FER: variants seen among roughly 807,000 people sequenced by gnomAD.
FER encodes the protein FER tyrosine kinase.
In FER, 63 loss-of-function variants were observed where a neutral mutation model predicts 111.0. That is an observed-to-expected ratio of 0.57 (90% confidence interval 0.46 to 0.70). The LOEUF is 0.70. Ranked by LOEUF, FER falls within the 30% of genes least tolerant of loss-of-function variation. FER has a pLI of 0.00. For synonymous variants in FER, 327 were observed against 313.9 expected (o/e 1.04, Z -0.44); for missense variants, 914 against 954.0 (o/e 0.96, Z 0.55).
At chr5:108,773,382 T>A (rs1753136232) in intron 2 of FER, among the ~76,000 whole-genome samples, 1 of 152,098 alleles carries the variant, frequency 6.6e-6, no homozygotes, top group South Asian at 2.1e-4. Context: ...GTGGGTATTG[T>A]TCCCCTCCCT....
chr5:108,931,895 C>T (rs1409456747), intron 10 of FER, among the ~76,000 whole-genome samples: 1 of 152,004 alleles, frequency 6.6e-6, no homozygotes, highest in Non-Finnish European at 1.5e-5. Flanking sequence ...TAATATTGTC[C>T]ATTTGAATGT....
At chr5:109,050,708 G>C (rs1261597151) in intron 16 of FER, among the ~76,000 whole-genome samples, 3 of 152,124 alleles carry the variant, frequency 2.0e-5, no homozygotes, top group Non-Finnish European at 4.4e-5. Context: ...ATCTTATTCT[G>C]TGGGCCTTGT....
intron 13 of FER, among the ~76,000 whole-genome samples, chr5:108,967,108 C>T (rs997187611): frequency 2.6e-5 from 4 of 152,156 alleles, no homozygotes; most frequent in Non-Finnish European, 5.9e-5. Context: ...GTGGCCTGCT[C>T]ACTTGGCCTG....
chr5:109,018,490 T>G (rs2149822816), intron 13 of FER, among the ~76,000 whole-genome samples: 1 of 151,980 alleles, frequency 6.6e-6, no homozygotes, highest in Non-Finnish European at 1.5e-5. Flanking sequence ...CACAATTTTC[T>G]GTGTGGTTTG....
chr5:108,796,030 T>C (rs907174150), intron 2 of FER, among the ~76,000 whole-genome samples: 1 of 152,212 alleles, frequency 6.6e-6, no homozygotes, highest in African/African-American at 2.4e-5. Context: ...TTGGGAAGGC[T>C]TTCCAGGTAA....
At chr5:109,175,374 AGAGT>A (rs1339108159) in intron 17 of FER, among the ~76,000 whole-genome samples, 2 of 152,228 alleles carry the variant, frequency 1.3e-5, no homozygotes, top group African/African-American at 4.8e-5. Flanking sequence ...ACTAAAGCTA[AGAGT>A]AAGTAAATTT....
chr5:109,170,441 A>G (rs1218432088), intron 17 of FER, among the ~76,000 whole-genome samples: 1 of 152,186 alleles, frequency 6.6e-6, no homozygotes, highest in Admixed American at 6.6e-5. Flanking sequence ...ACAAAGAACT[A>G]GAGCTTTGGA....
At chr5:109,175,743 G>T (rs1757608065) in intron 17 of FER, among the ~76,000 whole-genome samples, 1 of 152,146 alleles carries the variant, frequency 6.6e-6, no homozygotes, top group Non-Finnish European at 1.5e-5. Context: ...AACTCAAACA[G>T]CTCAACACTA....
intron 5 of FER, among the ~76,000 whole-genome samples, chr5:108,845,059 T>C (rs1238332715): frequency 2.0e-4 from 12 of 59,056 alleles, no homozygotes; most frequent in African/African-American, 8.5e-4. Flanking sequence ...TATATATATA[T>C]ATATATATAC....
At chr5:108,932,296 T>A (rs1166215229) in intron 10 of FER, among the ~76,000 whole-genome samples, 1 of 152,174 alleles carries the variant, frequency 6.6e-6, no homozygotes, top group Admixed American at 6.5e-5. Context: ...CCTGTGTTAG[T>A]TTGCTGAGAA....
intron 13 of FER, among the ~76,000 whole-genome samples, chr5:109,019,520 T>A (rs1767648976): frequency 1.3e-5 from 2 of 151,836 alleles, no homozygotes. Flanking sequence ...TGTCAAAGTG[T>A]GATCGCCAGA....
intron 10 of FER, among the ~76,000 whole-genome samples, chr5:108,900,177 AAGAC>A (rs1016283168): frequency 6.6e-6 from 1 of 152,236 alleles, no homozygotes; most frequent in Admixed American, 6.6e-5. Context: ...TTTTACAAAT[AAGAC>A]AGGGCATTCT....
intron 10 of FER, among the ~76,000 whole-genome samples, chr5:108,941,431 G>A (rs1756253709): frequency 6.6e-6 from 1 of 152,118 alleles, no homozygotes; most frequent in Non-Finnish European, 1.5e-5. Context: ...AGGCAAGAAA[G>A]TAGACCCAGA....
chr5:108,879,910 A>T (rs570649202), intron 8 of FER, among the ~76,000 whole-genome samples: 14 of 151,614 alleles, frequency 9.2e-5, no homozygotes, highest in Non-Finnish European at 1.6e-4. Context: ...AGGTTTCACC[A>T]TGTTGGCCAG....
At chr5:109,116,765 A>G (rs916165588) in intron 17 of FER, among the ~76,000 whole-genome samples, 4 of 152,188 alleles carry the variant, frequency 2.6e-5, no homozygotes, top group Non-Finnish European at 5.9e-5. Context: ...CTTTGTAAGT[A>G]AAGACAAACA....
chr5:109,133,921 A>AT (rs886159265), intron 17 of FER, among the ~76,000 whole-genome samples: 2 of 152,034 alleles, frequency 1.3e-5, no homozygotes, highest in Non-Finnish European at 1.5e-5. Flanking sequence ...CACAGATGTT[A>AT]TTTTTTACCT....
chr5:108,965,480 A>C (rs996645688), intron 13 of FER, among the ~76,000 whole-genome samples: 1 of 152,214 alleles, frequency 6.6e-6, no homozygotes, highest in Non-Finnish European at 1.5e-5. Context: ...AGAAGGAAAA[A>C]AAACACTTGA....
At chr5:109,150,607 T>A (rs1754728790) in intron 17 of FER, among the ~76,000 whole-genome samples, 1 of 152,202 alleles carries the variant, frequency 6.6e-6, no homozygotes, top group Admixed American at 6.6e-5. Flanking sequence ...TAGCATGGCA[T>A]TGGCCTGGCT....
At chr5:109,027,865 T>G (rs1227061425) in intron 13 of FER, among the ~76,000 whole-genome samples, 2 of 151,660 alleles carry the variant, frequency 1.3e-5, no homozygotes, top group Non-Finnish European at 3.0e-5. Context: ...ATTTTAAAAC[T>G]AATTAGATTT....
Sources: allele counts gnomAD v4.1 joint callset (sites outside exome capture counted in the v4.1 genomes callset), GRCh38; gene constraint gnomAD v4.1.1; transcripts MANE v1.5; gene names NCBI Gene and HGNC (gene_info 2026-07-23, HGNC 2026-07-21).